The following FKTN variants were observed in gnomAD, a reference collection of about 807,000 sequenced individuals.
FKTN encodes the protein fukutin, also known as ribitol-5-phosphate transferase FKTN.
In FKTN, 47 loss-of-function variants were observed where a neutral mutation model predicts 58.6. The ratio of observed to expected loss-of-function variants is 0.80; its 90% CI spans 0.63 to 1.02. The LOEUF is 1.02. FKTN is among the 50% of genes least tolerant of loss of function. The pLI is 0.00. For missense variants in FKTN, 516 were observed against 537.3 expected, an observed-to-expected ratio of 0.96 and a Z score of 0.39; for synonymous variants, 178 against 191.9, an observed-to-expected ratio of 0.93 and a Z score of 0.60.
chr9:105,633,885 C>T (rs1041653203), intron 10 of FKTN, among the ~76,000 whole-genome samples: 1 of 152,126 alleles, frequency 6.6e-6, no homozygotes, highest in Non-Finnish European at 1.5e-5. Flanking sequence ...TGGCTTTTCC[C>T]TGTTCTTTCT....
chr9:105,635,104 TCCATGTACCC>T lies in FKTN; in HGVS notation c.1227_1236del (p.His410ValfsTer19), dbSNP rs1020008314. 3 of 1,614,096 alleles carry T rather than the reference TCCATGTACCC, an allele frequency of 1.9e-6. No individual in the cohort carries two copies. The highest frequency in any genetic ancestry group is 2.5e-6 in the Non-Finnish European group (3 of 1,179,994). ...TGGACTGAGTTTGTAGACATGAAGG[TCCATGTACCC>T]TGTGAAACCCTCGAATACATTGAAG... On this transcript the variant is annotated frameshift_variant, in exon 11 of 11. Coordinates refer to ENST00000357998, the MANE Select transcript of FKTN (RefSeq NM_001079802.2). LOFTEE classifies it high-confidence loss of function.
intron 4 of FKTN, 71 bp downstream of exon 4, chr9:105,596,728 T>C: frequency 8.9e-7 from 1 of 1,122,098 alleles, no homozygotes; most frequent in Non-Finnish European, 1.4e-6. Context: ...CCGTAAGTAT[T>C]TGTTGAATGA....
At position 105,635,699 on chromosome 9, in the gene FKTN, G is replaced by A. The variant is rs1345890741; in HGVS notation, c.*435G>A. On this transcript the variant is annotated 3_prime_UTR_variant, in exon 11 of 11. Transcript: ENST00000357998. ...ACCCACTCCTCTTCTGGGCATTTAA[G>A]CTGGTATGTTAGTGCTACTTTTAAG... The A allele has an allele frequency of 9.5e-7, 1 of 1,051,874 alleles. No homozygotes were observed. Among genetic ancestry groups the A allele is most frequent in the South Asian group, 3.4e-5 (1 of 29,340 alleles). The allele number at this position is 1,051,874 out of a possible 1,614,324, so 65.2% of individuals were successfully genotyped here. A position where few individuals can be genotyped will look rare whatever the true frequency, so the allele number is the denominator to read the frequency against.
intron 1 of FKTN, among the ~76,000 whole-genome samples, chr9:105,560,416 T>A (rs1187924930): frequency 1.3e-5 from 2 of 152,188 alleles, no homozygotes; most frequent in Non-Finnish European, 2.9e-5. Flanking sequence ...AGAATCTAGA[T>A]CCTGTTTAGC....
intron 4 of FKTN, among the ~76,000 whole-genome samples, chr9:105,599,475 C>CTTTTTTT (rs56397759): frequency 2.0e-5 from 2 of 101,170 alleles, no homozygotes; most frequent in African/African-American, 7.3e-5. Flanking sequence ...TCAGGTTTTG[C>CTTTTTTT]TTTTTTTTTT....
chr9:105,584,422 A>G (rs1418256145), intron 3 of FKTN, among the ~76,000 whole-genome samples: 2 of 152,030 alleles, frequency 1.3e-5, no homozygotes, highest in African/African-American at 4.8e-5. Context: ...AATTTTGTAA[A>G]GTTCATTATT....
chr9:105,622,622 C>T (rs377144280), intron 10 of FKTN, among the ~76,000 whole-genome samples: 1 of 151,898 alleles, frequency 6.6e-6, no homozygotes, highest in Non-Finnish European at 1.5e-5. Context: ...GTAACTTACT[C>T]GAGGCTTTTG....
Position 105,635,739 on chromosome 9 carries a change from G to A in FKTN, c.*475G>A. 9.8e-7 allele frequency: 1 copy of A among 1,017,336 alleles called. No homozygotes were observed. Among genetic ancestry groups the A allele is most frequent in the South Asian group, 4.0e-5 (1 of 25,062 alleles). The allele number at this position is 1,017,336 out of a possible 1,614,324, so 63.0% of individuals were successfully genotyped here. A position where few individuals can be genotyped will look rare whatever the true frequency, so the allele number is the denominator to read the frequency against. On this transcript the variant is annotated 3_prime_UTR_variant, in exon 11 of 11. Transcript: ENST00000357998. ...CTACTTTTAAGATTGTGGAGTCTGA[G>A]TTAATATTCAAGTGATCAGACTTTG...
chr9:105,617,442 C>T (rs1831024412), intron 8 of FKTN, among the ~76,000 whole-genome samples: 1 of 152,096 alleles, frequency 6.6e-6, no homozygotes, highest in Admixed American at 6.5e-5. Flanking sequence ...CAAATTATTG[C>T]TCAAGAAAAA....
In FKTN at chr9:105,637,506, T is replaced by G. The variant is rs1313713981; in HGVS notation, c.*2242T>G. ...TCTGAAGGCCAGGCTTACCTCTGAT[T>G]CTGATTCATCCATACTTCATCTTAT... On this transcript the variant is annotated 3_prime_UTR_variant, in exon 11 of 11. Transcript: ENST00000357998. 9 of 985,372 alleles carry G rather than the reference T, an allele frequency of 9.1e-6. No homozygotes were observed. The East Asian group carries it at 1.0e-3, about 111-fold the overall frequency. The allele number at this position is 985,372 out of a possible 1,614,324, so 61.0% of individuals were successfully genotyped here.
At chr9:105,624,403 G>T (rs181619813) in intron 10 of FKTN, 111 of 152,230 alleles carry the variant, frequency 7.3e-4, no homozygotes, top group African/African-American at 2.3e-3. Context: ...CAAGGTGAGA[G>T]AACTGCTTGA....
intron 1 of FKTN, among the ~76,000 whole-genome samples, chr9:105,565,919 T>A (rs1379712462): frequency 5.9e-5 from 9 of 152,108 alleles, no homozygotes; most frequent in African/African-American, 2.2e-4. Context: ...CCTCAGCAAA[T>A]GCAAAAGAAC....
At chr9:105,633,818 T>C (rs1054503509) in intron 10 of FKTN, among the ~76,000 whole-genome samples, 2 of 152,236 alleles carry the variant, frequency 1.3e-5, no homozygotes, top group Admixed American at 1.3e-4. Context: ...ACTGACCTTT[T>C]CTTGGAGAAC....
intron 10 of FKTN, among the ~76,000 whole-genome samples, chr9:105,625,630 A>G (rs149341404): frequency 1.6e-3 from 245 of 152,302 alleles, no homozygotes; most frequent in Non-Finnish European, 2.5e-3. Flanking sequence ...ACTTAGCACC[A>G]TGCCTGGCTG....
At position 105,576,436 on chromosome 9, in the gene FKTN, C is replaced by G. The variant is rs549217397; in HGVS notation, c.105+1299C>G. On this transcript the variant is annotated intron_variant, in intron 3 of 10. Coordinates refer to ENST00000357998, the MANE Select transcript of FKTN (RefSeq NM_001079802.2). ...TGCGGTGTTTGGTTTTTTGTTCTTA[C>G]GATAGTTTACTGAGAATGATGATTT... is the stretch of plus-strand genomic sequence containing the variant. Among the ~76,000 whole-genome samples, 14 of 151,522 alleles carry G rather than the reference C, an allele frequency of 9.2e-5. No individual in the cohort carries two copies. In the South Asian group the frequency reaches 2.7e-3, roughly 29 times the overall value.
intron 3 of FKTN, among the ~76,000 whole-genome samples, chr9:105,587,090 C>A (rs1010037373): frequency 5.3e-5 from 8 of 152,084 alleles, no homozygotes; most frequent in African/African-American, 1.9e-4. Flanking sequence ...AATATTGATG[C>A]CTATGTGGAG....
At chr9:105,564,546 C>T (rs1304744625) in intron 1 of FKTN, among the ~76,000 whole-genome samples, 2 of 152,116 alleles carry the variant, frequency 1.3e-5, no homozygotes, top group Non-Finnish European at 2.9e-5. Flanking sequence ...GAAAGGGTAT[C>T]AGTGATGGAA....
chr9:105,580,119 C>CA (rs1413555797), intron 3 of FKTN, among the ~76,000 whole-genome samples: 1 of 152,006 alleles, frequency 6.6e-6, no homozygotes, highest in Non-Finnish European at 1.5e-5. Flanking sequence ...ACTCTTTATC[C>CA]AATTTGCCAG....
intron 1 of FKTN, among the ~76,000 whole-genome samples, chr9:105,572,734 G>C (rs980095696): frequency 3.3e-5 from 5 of 152,222 alleles, no homozygotes. Flanking sequence ...GCCCTTTGCT[G>C]CCTGTCTCTG....
Sources: allele counts gnomAD v4.1 joint callset (sites outside exome capture counted in the v4.1 genomes callset), GRCh38; gene constraint gnomAD v4.1.1; transcripts MANE v1.5; gene names NCBI Gene and HGNC (gene_info 2026-07-23, HGNC 2026-07-21).